The following UBE2E1 variants were observed in gnomAD, a reference collection of about 807,000 sequenced individuals.
UBE2E1 encodes ubiquitin conjugating enzyme E2 E1.
Under a neutral mutation model 21.4 loss-of-function variants are expected in UBE2E1, and 6 were observed. The ratio of observed to expected loss-of-function variants is 0.28; its 90% CI spans 0.15 to 0.55. The LOEUF (loss-of-function observed/expected upper bound fraction) is 0.55. Among genes scored for constraint, UBE2E1 ranks in the 20% least tolerant of loss-of-function variants. The pLI is 0.93. For missense variants in UBE2E1, 142 were observed against 236.5 expected, an observed-to-expected ratio of 0.60 and a Z score of 2.62; for synonymous variants, 87 against 82.7, an observed-to-expected ratio of 1.05 and a Z score of -0.28.
Position 23,823,822 on chromosome 3 carries a change from A to G in UBE2E1, c.203+12312A>G, listed in dbSNP as rs186759421. 1.3e-5 allele frequency among the ~76,000 whole-genome samples: 2 copies of G among 152,202 alleles called. No homozygotes were observed. The highest frequency in any genetic ancestry group is 2.4e-5 in the African/African-American group (1 of 41,454). On this transcript the variant is annotated intron_variant, in intron 3 of 5. Coordinates refer to ENST00000306627, the MANE Select transcript of UBE2E1 (RefSeq NM_003341.5). The surrounding 1 kb of genome is among the most constrained non-coding windows in gnomAD (Gnocchi z 4.2). ...AGTAAAGTTAGCAGCGTCATATACT[A>G]CTTGCTAGTATATCACACTGCTTTG... is the stretch of plus-strand genomic sequence containing the variant.
intron 3 of UBE2E1, among the ~76,000 whole-genome samples, chr3:23,835,713 GA>G (rs1467979920): frequency 1.3e-5 from 2 of 152,050 alleles, no homozygotes; most frequent in African/African-American, 2.4e-5. Flanking sequence ...ATCAATTTTA[GA>G]AACTCCCCTC....
intron 3 of UBE2E1, among the ~76,000 whole-genome samples, chr3:23,811,947 T>C (rs1000808221): frequency 6.6e-6 from 1 of 152,234 alleles, no homozygotes. Context: ...ACTTACTCCA[T>C]AGCATATAGA....
chr3:23,866,532 A>C (rs1219401768), intron 3 of UBE2E1: 2 of 152,168 alleles, frequency 1.3e-5, no homozygotes, highest in Non-Finnish European at 2.9e-5. Flanking sequence ...GGGGGAAAAA[A>C]GAATTGTGCA....
chr3:23,852,986 G>T (rs1036380767), intron 3 of UBE2E1, among the ~76,000 whole-genome samples: 2 of 150,744 alleles, frequency 1.3e-5, no homozygotes, highest in African/African-American at 4.9e-5. Flanking sequence ...GCATGATCTC[G>T]GCTCACCACA....
At chr3:23,811,406 G>A in intron 2 of UBE2E1, 54 bp from the exon 3 acceptor site, 1 of 1,582,120 alleles carries the variant, frequency 6.3e-7, no homozygotes, top group Non-Finnish European at 8.7e-7. Context: ...CAGGTGGGAG[G>A]CTTCCGCGCC....
At chr3:23,868,720 GT>G (rs558030770) in intron 3 of UBE2E1, among the ~76,000 whole-genome samples, 96 of 139,204 alleles carry the variant, frequency 6.9e-4, no homozygotes, top group South Asian at 1.6e-3. Flanking sequence ...ACACAGTGTT[GT>G]TTTTTTTTTT....
Position 23,887,964 on chromosome 3 carries a change from CCT to C in UBE2E1, c.336+266_336+267del, listed in dbSNP as rs757702051. The stretch of plus-strand genomic sequence containing the variant: ...ATTGTCAGCAACCTAGAATTAATCC[CCT>C]GTTTTCCAGCCCATAGAGAAATGTT... On this transcript the variant is annotated intron_variant, in intron 4 of 5. Coordinates refer to ENST00000306627, the MANE Select transcript of UBE2E1 (RefSeq NM_003341.5). This position sits in a 1 kb window ranked among gnomAD's most constrained non-coding sequence, Gnocchi z 4.4. Among the ~76,000 whole-genome samples, 79 of 152,256 alleles carry C rather than the reference CCT, an allele frequency of 5.2e-4. No homozygotes were observed. The highest frequency in any genetic ancestry group is 3.1e-3 in the East Asian group (16 of 5,192).
chr3:23,861,989 A>C (rs1700567725), intron 3 of UBE2E1, among the ~76,000 whole-genome samples: 1 of 152,244 alleles, frequency 6.6e-6, no homozygotes, highest in Admixed American at 6.5e-5. Flanking sequence ...GGACGGCTAA[A>C]CTAAAAGAGC....
intron 3 of UBE2E1, among the ~76,000 whole-genome samples, chr3:23,844,207 CTTGT>C (rs1400688102): frequency 3.9e-5 from 6 of 152,062 alleles, no homozygotes; most frequent in African/African-American, 7.2e-5. Flanking sequence ...CTCTTTCCTG[CTTGT>C]TTATTTTATT....
In UBE2E1 at chr3:23,808,546, G is replaced by C. The variant is rs1699323743; in HGVS notation, c.152+1125G>C. ...CCTGGAAGTCAGGGTTTGAGAGTTTGTTCTGTCATTCTCCCTGACTTGTAA... is the reference window on the plus strand; with the variant it reads ...CCTGGAAGTCAGGGTTTGAGAGTTTCTTCTGTCATTCTCCCTGACTTGTAA... On this transcript the variant is annotated intron_variant, in intron 2 of 5. Transcript: ENST00000306627. This position sits in a 1 kb window ranked among gnomAD's most constrained non-coding sequence, Gnocchi z 4.9. The C allele has an allele frequency of 6.6e-6, 1 of 152,206 alleles. No individual in the cohort carries two copies. Among genetic ancestry groups the C allele is most frequent in the African/African-American group, 2.4e-5 (1 of 41,444 alleles). The allele number at this position is 152,206 out of a possible 1,614,324, so 9.4% of individuals were successfully genotyped here. A position where few individuals can be genotyped will look rare whatever the true frequency, so the allele number is the denominator to read the frequency against.
intron 3 of UBE2E1, among the ~76,000 whole-genome samples, chr3:23,869,395 G>A (rs1396240310): frequency 3.4e-5 from 3 of 89,312 alleles, no homozygotes; most frequent in South Asian, 8.2e-4. Flanking sequence ...CAATTTTTAT[G>A]TAGTCAGATC....
chr3:23,868,585 C>G (rs1700706983), intron 3 of UBE2E1, among the ~76,000 whole-genome samples: 1 of 152,110 alleles, frequency 6.6e-6, no homozygotes, highest in Non-Finnish European at 1.5e-5. Context: ...GGGATTATAG[C>G]CATGAGTCAC....
chr3:23,814,369 G>T (rs537403320), intron 3 of UBE2E1, among the ~76,000 whole-genome samples: 1 of 152,202 alleles, frequency 6.6e-6, no homozygotes, highest in South Asian at 2.1e-4. Flanking sequence ...ATATTTTTTA[G>T]AACACAGTAC....
At chr3:23,846,797 A>T (rs969475588) in intron 3 of UBE2E1, among the ~76,000 whole-genome samples, 2 of 152,060 alleles carry the variant, frequency 1.3e-5, no homozygotes, top group African/African-American at 2.4e-5. Context: ...TTGAGATGGA[A>T]TTGTTAAAGA....
In UBE2E1 at chr3:23,885,400, G is replaced by T. The variant is rs537386354; in HGVS notation, c.204-2167G>T. On this transcript the variant is annotated intron_variant, in intron 3 of 5. Transcript: ENST00000306627. ...TAACCTCAGGAAATGAAGCAATAAT[G>T]GTAATATCATTTCACTGGAGAAGTT... Among the ~76,000 whole-genome samples the T allele has an allele frequency of 3.3e-5, 5 of 152,252 alleles. No individual in the cohort carries two copies. In the East Asian group the frequency reaches 7.7e-4, roughly 24 times the overall value.
intron 3 of UBE2E1, among the ~76,000 whole-genome samples, chr3:23,851,243 T>C (rs1369211799): frequency 6.6e-6 from 1 of 152,236 alleles, no homozygotes; most frequent in Non-Finnish European, 1.5e-5. Context: ...TTAGGTTCCA[T>C]TGATCTTTGT....
chr3:23,826,080 G>C (rs1329507147), intron 3 of UBE2E1, among the ~76,000 whole-genome samples: 1 of 152,038 alleles, frequency 6.6e-6, no homozygotes, highest in Non-Finnish European at 1.5e-5. Flanking sequence ...TCAGTGTTTT[G>C]AAAAAATTGT....
chr3:23,877,005 A>G (rs555920208), intron 3 of UBE2E1, among the ~76,000 whole-genome samples: 26 of 152,358 alleles, frequency 1.7e-4, no homozygotes, highest in Admixed American at 9.1e-4. Flanking sequence ...CTTGAGCAAC[A>G]GAGTGAGACA....
chr3:23,840,774 C>T (rs186444034), intron 3 of UBE2E1, among the ~76,000 whole-genome samples: 3 of 152,256 alleles, frequency 2.0e-5, no homozygotes, highest in East Asian at 3.9e-4. Context: ...TACAGATCTC[C>T]GGAGTTCTGT....
Sources: allele counts gnomAD v4.1 joint callset (sites outside exome capture counted in the v4.1 genomes callset), GRCh38; gene constraint gnomAD v4.1.1; non-coding constraint Gnocchi (gnomAD v3.1); transcripts MANE v1.5; gene names NCBI Gene and HGNC (gene_info 2026-07-23, HGNC 2026-07-21).